CCNT1: variants seen among roughly 807,000 people sequenced by gnomAD.
CCNT1 encodes cyclin-T1.
A neutral mutation model predicts 67.3 loss-of-function variants in CCNT1; 18 were observed. The observed-to-expected ratio is 0.27, with a 90% CI of 0.18 to 0.40. CCNT1 has a LOEUF of 0.40. Among genes scored for constraint, CCNT1 ranks in the 10% least tolerant of loss-of-function variants. CCNT1 has a pLI of 1.00. For synonymous variants in CCNT1, 333 were observed against 310.3 expected (o/e 1.07, Z -0.77); for missense variants, 744 against 884.9 (o/e 0.84, Z 2.02).
intron 8 of CCNT1, 147 bp downstream of exon 8, chr12:48,695,612 C>T (rs530042204): frequency 3.1e-5 from 19 of 620,480 alleles, no homozygotes; most frequent in Non-Finnish European, 5.2e-5. Flanking sequence ...ACAACAGTAT[C>T]CAAGGTATGA....
At chr12:48,714,418 T>C (rs780714108) in intron 2 of CCNT1, 25 bp downstream of exon 2, 1 of 1,414,172 alleles carries the variant, frequency 7.1e-7, no homozygotes, top group Non-Finnish European at 1.0e-6. Flanking sequence ...AAAAGGATTA[T>C]ATCATATAAA....
rs760819965 is a variant in CCNT1, at chr12:48,693,531, C to A, written c.1683G>T (p.Leu561Phe). ...TSNLAHKTYS[L>F]SSSFSSSSST... ...AACTGGAAGAGGAAAAAGAACTAGA[C>A]AAGCTATAGGTTTTATGTGCTAAGT... The change falls in exon 9 of 9, where the codon TTG becomes TTT. Residue 561 changes from leucine (L) to phenylalanine (F), a missense_variant. Physicochemically the swap from Leu to Phe is conservative, Grantham distance 22. This residue lies in a region of CCNT1 where 564 missense variants were observed against 574.2 expected (regional missense o/e 0.98). Transcript: ENST00000261900. 1 of 1,614,022 alleles carries A rather than the reference C, an allele frequency of 6.2e-7. No homozygotes were observed.
chr12:48,707,283 T>G (rs1940376859), intron 2 of CCNT1, among the ~76,000 whole-genome samples: 1 of 145,882 alleles, frequency 6.9e-6, no homozygotes, highest in South Asian at 2.1e-4. Flanking sequence ...AGATTTTTTT[T>G]CTTTCTTTTT....
At chr12:48,712,595 T>TAAAAAAAA (rs759919820) in intron 2 of CCNT1, among the ~76,000 whole-genome samples, 9 of 33,346 alleles carry the variant, frequency 2.7e-4, no homozygotes, top group African/African-American at 3.0e-4. Context: ...AAAAAAAAAA[T>TAAAAAAAA]AAAAAAAAAA....
Position 48,693,523 on chromosome 12 carries a change from G to C in CCNT1, c.1691C>G (p.Ser564Cys), listed in dbSNP as rs752700019. 6.2e-7 allele frequency: 1 copy of C among 1,614,130 alleles called. No individual in the cohort carries two copies. The highest frequency in any genetic ancestry group is 2.2e-5 in the East Asian group (1 of 44,872). ...LAHKTYSLSS[S>C]FSSSSSTRKR... ...ACGAGTAGAACTGGAAGAGGAAAAA[G>C]AACTAGACAAGCTATAGGTTTTATG... The change falls in exon 9 of 9, where the codon TCT becomes TGT. Residue 564 changes from serine (S) to cysteine (C), a missense_variant. Physicochemically the swap from Ser to Cys is moderately radical, Grantham distance 112. Around this residue, in one of 3 missense-constraint regions of CCNT1, gnomAD observed 564 missense variants for 574.2 expected, o/e 0.98. Coordinates refer to ENST00000261900, the MANE Select transcript of CCNT1 (RefSeq NM_001240.4).
intron 2 of CCNT1, among the ~76,000 whole-genome samples, chr12:48,713,336 GC>G (rs753973744): frequency 4.6e-5 from 7 of 151,846 alleles, no homozygotes; most frequent in Admixed American, 2.0e-4. Context: ...ACCATGCATA[GC>G]CTATTTTTCA....
chr12:48,697,534 A>AAAAAAAAAAAAAAAATAT (rs1288926072), intron 6 of CCNT1, among the ~76,000 whole-genome samples: 1 of 130,708 alleles, frequency 7.7e-6, no homozygotes, highest in African/African-American at 3.0e-5. Context: ...AAAAAAAAAA[A>AAAAAAAAAAAAAAAATAT]ATATATATAT....
intron 3 of CCNT1, among the ~76,000 whole-genome samples, chr12:48,705,091 T>C (rs1940334269): frequency 6.6e-6 from 1 of 152,212 alleles, no homozygotes; most frequent in South Asian, 2.1e-4. Context: ...CAAATTTTAC[T>C]GCAACAAATA....
chr12:48,698,716 G>A (rs1940219203), intron 5 of CCNT1, among the ~76,000 whole-genome samples: 1 of 152,202 alleles, frequency 6.6e-6, no homozygotes, highest in South Asian at 2.1e-4. Context: ...CCAGCACTTT[G>A]GGACGCCGAG....
Position 48,693,289 on chromosome 12 carries a change from C to A in CCNT1, c.1925G>T (p.Gly642Val). 6.2e-7 allele frequency: 1 copy of A among 1,614,126 alleles called. No homozygotes were observed. Among genetic ancestry groups the A allele is most frequent in the Non-Finnish European group, 8.5e-7 (1 of 1,180,024 alleles). The change falls in exon 9 of 9, where the codon GGG becomes GTG. Residue 642 changes from glycine to valine, a missense_variant. By Grantham distance (109) the Gly-to-Val change is moderately radical. Around this residue, in one of 3 missense-constraint regions of CCNT1, gnomAD observed 564 missense variants for 574.2 expected, o/e 0.98. Transcript: ENST00000261900. ...TRVPHSKLDKGPTGANGHNTT... is the reference protein window; with the variant it reads ...TRVPHSKLDKVPTGANGHNTT... ...GTTGTGACCATTGGCCCCAGTGGGC[C>A]CTTTATCCAGTTTCGAATGAGGGAC...
At chr12:48,701,293 T>G (rs1940264938) in intron 3 of CCNT1, among the ~76,000 whole-genome samples, 1 of 143,248 alleles carries the variant, frequency 7.0e-6, no homozygotes, top group Non-Finnish European at 1.5e-5. Flanking sequence ...TGGTGTGATC[T>G]CGACTCACTG....
rs1369145244 is a variant in CCNT1 at position 48,714,431 on chromosome 12, A to T, written c.243+12T>A. ...ACAAAAGGATTATATCATATAAAAA[A>T]ATTATACTTACATTTCCAGGGAACT... On this transcript the variant is annotated intron_variant, in intron 2 of 8. Coordinates refer to ENST00000261900, the MANE Select transcript of CCNT1 (RefSeq NM_001240.4). The T allele has an allele frequency of 2.0e-6, 3 of 1,533,882 alleles. No individual in the cohort carries two copies. The highest frequency in any genetic ancestry group is 2.7e-6 in the Non-Finnish European group (3 of 1,107,760).
chr12:48,695,067 G>A (rs1193484030), intron 8 of CCNT1, among the ~76,000 whole-genome samples: 2 of 151,918 alleles, frequency 1.3e-5, no homozygotes, highest in African/African-American at 2.4e-5. Context: ...CAGTTGATCC[G>A]CCTGCCTTGG....
At chr12:48,700,261 A>G (rs1748575088) in intron 4 of CCNT1, among the ~76,000 whole-genome samples, 2 of 150,522 alleles carry the variant, frequency 1.3e-5, no homozygotes, top group South Asian at 2.1e-4. Flanking sequence ...GGAGGTTGCA[A>G]TGAGCCAAGA....
chr12:48,701,370 C>G (rs540403642), intron 3 of CCNT1, among the ~76,000 whole-genome samples: 13 of 151,392 alleles, frequency 8.6e-5, no homozygotes, highest in Admixed American at 8.6e-4. Context: ...AGATTCCAGG[C>G]GCGCAACACC....
rs768371612 is a variant in CCNT1 at position 48,694,173 on chromosome 12, C to T, written c.1041G>A (p.Gln347=). Residue 347 remains glutamine (Q), a synonymous_variant, in exon 9 of 9, where the codon CAG becomes CAA. Transcript: ENST00000261900. ...SQPSFKLEPT[Q]GHRTSENLAL... ...CTAAATTCTCACTAGTCCGATGACC[C>T]TGAGTAGGTTCTAGTTTGAAAGAAG... is the stretch of plus-strand genomic sequence containing the variant. 33 of 1,614,118 alleles carry T rather than the reference C, an allele frequency of 2.0e-5. No homozygotes were observed. The African/African-American group carries it at 3.6e-4, about 18-fold the overall frequency.
At chr12:48,700,235 C>T (rs1022808145) in intron 4 of CCNT1, among the ~76,000 whole-genome samples, 21 of 150,268 alleles carry the variant, frequency 1.4e-4, no homozygotes, top group Middle Eastern at 3.2e-3. Context: ...AGGAGAATGG[C>T]GTGCACCCAG....
rs527510606 is a variant in CCNT1 at position 48,703,276 on chromosome 12, CA to C, written c.373-2204del. Among the ~76,000 whole-genome samples the C allele has an allele frequency of 1.0e-3, 155 of 150,388 alleles. 2 individuals carry two copies. The highest frequency in any genetic ancestry group is 3.5e-3 in the African/African-American group (145 of 40,888). On this transcript the variant is annotated intron_variant, in intron 3 of 8. Coordinates refer to ENST00000261900, the MANE Select transcript of CCNT1 (RefSeq NM_001240.4). ...TGGGCAACAAAACGAGATTCTGTCT[CA>C]AAAAAAACAAAGCTGGCTGGACATG...
intron 6 of CCNT1, 77 bp from the exon 7 acceptor site, chr12:48,696,239 TAAAAA>T (rs71080140): frequency 2.5e-3 from 182 of 71,852 alleles, no homozygotes; most frequent in East Asian, 0.01. Flanking sequence ...CTCCATTATT[TAAAAA>T]AAAAAAAAAA....
Sources: allele counts gnomAD v4.1 joint callset (sites outside exome capture counted in the v4.1 genomes callset), GRCh38; gene constraint gnomAD v4.1.1; regional missense constraint gnomAD v4.1.1; transcripts MANE v1.5; gene names NCBI Gene and HGNC (gene_info 2026-07-23, HGNC 2026-07-21).